KLF7: variants seen among roughly 807,000 people sequenced by gnomAD.
The protein encoded by KLF7 is KLF transcription factor 7, also known as Krueppel-like factor 7.
A neutral mutation model predicts 27.3 loss-of-function variants in KLF7; 2 were observed. That is an observed-to-expected ratio of 0.07 (90% CI 0.03 to 0.23). The LOEUF is 0.23. Ranked by LOEUF, KLF7 falls within the 10% of genes least tolerant of loss-of-function variation. The pLI is 1.00. For missense variants in KLF7, 221 were observed against 394.1 expected (o/e 0.56, Z 3.72); for synonymous variants, 165 against 162.4 (o/e 1.02, Z -0.12).
chr2:207,135,527 C>A (rs934717041), intron 1 of KLF7, among the ~76,000 whole-genome samples: 4 of 152,144 alleles, frequency 2.6e-5, no homozygotes, highest in Admixed American at 2.0e-4. Flanking sequence ...TTCAAAGATA[C>A]CAGACCTGTG....
At chr2:207,148,990 T>C (rs2078171000) in intron 1 of KLF7, 3 of 1,149,456 alleles carry the variant, frequency 2.6e-6, no homozygotes, top group South Asian at 1.8e-5. Context: ...ACCTGTGTCA[T>C]CTACTGTCCT....
At chr2:207,111,054 A>G (rs1423523789) in intron 2 of KLF7, among the ~76,000 whole-genome samples, 2 of 152,134 alleles carry the variant, frequency 1.3e-5, no homozygotes, top group African/African-American at 4.8e-5. Flanking sequence ...CCAACCCCAC[A>G]TATGACCATG....
At chr2:207,153,265 T>C (rs926363465) in intron 1 of KLF7, among the ~76,000 whole-genome samples, 1 of 152,200 alleles carries the variant, frequency 6.6e-6, no homozygotes, top group South Asian at 2.1e-4. Context: ...ACATGGTTTA[T>C]TCTTTTAAGA....
rs185530633 is a variant in KLF7 at position 207,143,972 on chromosome 2, G to C, written c.103-19568C>G. On this transcript the variant is annotated intron_variant, in intron 1 of 3. Transcript: ENST00000309446. ...TTATTAACTCTGCAATATCATAAGA[G>C]AGGGCTTCGCTCTCTGCCTTGGTGG... Among the ~76,000 whole-genome samples the C allele has an allele frequency of 1.7e-3, 256 of 152,266 alleles. 1 individual carries two copies. The highest frequency in any genetic ancestry group is 6.8e-3 in the Middle Eastern group (2 of 292).
At chr2:207,086,977 T>C (rs2105866102) in intron 3 of KLF7, among the ~76,000 whole-genome samples, 1 of 152,312 alleles carries the variant, frequency 6.6e-6, no homozygotes, top group East Asian at 1.9e-4. Flanking sequence ...GCTTCTTTAT[T>C]AGCCAGAGTG....
chr2:207,141,932 A>G (rs2077953789), intron 1 of KLF7, among the ~76,000 whole-genome samples: 1 of 152,072 alleles, frequency 6.6e-6, no homozygotes, highest in Non-Finnish European at 1.5e-5. Flanking sequence ...GGAAATAATG[A>G]TGAGCTGCAC....
intron 2 of KLF7, among the ~76,000 whole-genome samples, chr2:207,123,431 T>C (rs964731957): frequency 6.6e-6 from 1 of 152,166 alleles, no homozygotes; most frequent in African/African-American, 2.4e-5. Context: ...ATCAAAACTG[T>C]GGAGCTACAC....
intron 1 of KLF7, among the ~76,000 whole-genome samples, chr2:207,135,168 C>T (rs2077750379): frequency 6.6e-6 from 1 of 152,174 alleles, no homozygotes; most frequent in African/African-American, 2.4e-5. Context: ...GTTTTCTCAT[C>T]TACCAGCTGA....
upstream of KLF7, among the ~76,000 whole-genome samples, chr2:207,170,856 G>C (rs1325115388): frequency 6.6e-6 from 1 of 151,846 alleles, no homozygotes; most frequent in Non-Finnish European, 1.5e-5. Flanking sequence ...GATATATAAG[G>C]AGTTGTACAT....
chr2:207,089,277 A>C (rs2076457911), intron 2 of KLF7, among the ~76,000 whole-genome samples: 2 of 152,272 alleles, frequency 1.3e-5, no homozygotes, highest in Admixed American at 1.3e-4. Context: ...TTCTTATTAG[A>C]GAATAATATA....
At chr2:207,120,602 T>C (rs1432395431) in intron 2 of KLF7, among the ~76,000 whole-genome samples, 1 of 152,202 alleles carries the variant, frequency 6.6e-6, no homozygotes, top group East Asian at 1.9e-4. Context: ...AAGAAATATT[T>C]TGACTGAATT....
intron 2 of KLF7, among the ~76,000 whole-genome samples, chr2:207,111,526 G>A (rs1207189621): frequency 2.6e-5 from 4 of 152,178 alleles, no homozygotes; most frequent in Non-Finnish European, 1.5e-5. Context: ...CATCAGATTC[G>A]TCCTTTCCAA....
At chr2:207,121,643 T>C (rs1300745245) in intron 2 of KLF7, 1 of 152,108 alleles carries the variant, frequency 6.6e-6, no homozygotes, top group Non-Finnish European at 1.5e-5. Flanking sequence ...CCTCCCTGAG[T>C]GAATTCCCAA....
upstream of KLF7, among the ~76,000 whole-genome samples, chr2:207,171,331 T>G (rs1053912480): frequency 1.3e-5 from 2 of 152,198 alleles, no homozygotes; most frequent in African/African-American, 4.8e-5. Context: ...AGATGGAATC[T>G]ACTTCTGGTG....
chr2:207,085,344 C>T (rs2076364203), intron 3 of KLF7, among the ~76,000 whole-genome samples: 1 of 152,062 alleles, frequency 6.6e-6, no homozygotes, highest in Non-Finnish European at 1.5e-5. Flanking sequence ...CTGGAATGTA[C>T]TATGCTAGTA....
intron 2 of KLF7, among the ~76,000 whole-genome samples, chr2:207,123,323 T>C (rs2077389596): frequency 6.6e-6 from 1 of 152,188 alleles, no homozygotes; most frequent in African/African-American, 2.4e-5. Flanking sequence ...GTGACTTTGA[T>C]GAAAAATCAG....
At chr2:207,117,626 T>C (rs2077224753) in intron 2 of KLF7, among the ~76,000 whole-genome samples, 1 of 152,230 alleles carries the variant, frequency 6.6e-6, no homozygotes, top group Non-Finnish European at 1.5e-5. Context: ...AGAATTCTTA[T>C]CTATGGCACT....
chr2:207,140,455 C>T (rs1186236797), intron 1 of KLF7, among the ~76,000 whole-genome samples: 2 of 152,122 alleles, frequency 1.3e-5, no homozygotes, highest in Non-Finnish European at 2.9e-5. Context: ...ATCACCCATC[C>T]CTTTTGTTCA....
At chr2:207,110,818 C>T (rs1177250297) in intron 2 of KLF7, among the ~76,000 whole-genome samples, 1 of 152,152 alleles carries the variant, frequency 6.6e-6, no homozygotes, top group Non-Finnish European at 1.5e-5. Flanking sequence ...GAAGGCAAGA[C>T]CTGGTGGGTA....
Sources: allele counts gnomAD v4.1 joint callset (sites outside exome capture counted in the v4.1 genomes callset), GRCh38; gene constraint gnomAD v4.1.1; transcripts MANE v1.5; gene names NCBI Gene and HGNC (gene_info 2026-07-23, HGNC 2026-07-21).